SMAP1: variants seen among roughly 807,000 people sequenced by gnomAD.
SMAP1 encodes stromal membrane-associated protein 1.
A neutral mutation model predicts 58.5 loss-of-function variants in SMAP1; 24 were observed. That is an observed-to-expected ratio of 0.41 (90% CI 0.30 to 0.58). The LOEUF (loss-of-function observed/expected upper bound fraction) is 0.58. Among genes scored for constraint, SMAP1 ranks in the 20% least tolerant of loss-of-function variants. The pLI is 0.29. For missense variants in SMAP1, 563 were observed against 566.3 expected (o/e 0.99, Z 0.06); for synonymous variants, 216 against 196.6 (o/e 1.10, Z -0.82).
chr6:70,744,052 T>G lies in SMAP1; in HGVS notation c.253-10928T>G, dbSNP rs369315986. ...AATAAGGTCAGTAATACTAATAGTT[T>G]TTTTGGAAATGGCATATTTTAGAAT... is the stretch of plus-strand genomic sequence containing the variant. On this transcript the variant is annotated intron_variant, in intron 2 of 10. Coordinates refer to ENST00000370455, the MANE Select transcript of SMAP1 (RefSeq NM_001044305.3). Among the ~76,000 whole-genome samples the G allele has an allele frequency of 4.6e-5, 7 of 152,220 alleles. No homozygotes were observed. In the East Asian group the frequency reaches 1.2e-3, roughly 25 times the overall value.
At chr6:70,806,404 A>G (rs1426169912) in intron 6 of SMAP1, among the ~76,000 whole-genome samples, 3 of 152,162 alleles carry the variant, frequency 2.0e-5, no homozygotes, top group African/African-American at 7.2e-5. Context: ...TTTTCCAGGT[A>G]GTCTGTCACA....
At chr6:70,818,425 C>G (rs1769738311) in intron 6 of SMAP1, among the ~76,000 whole-genome samples, 1 of 151,912 alleles carries the variant, frequency 6.6e-6, no homozygotes. Flanking sequence ...AAGCCTATTT[C>G]TGGGGTTTTC....
At chr6:70,809,684 A>G (rs1562177372) in intron 6 of SMAP1, among the ~76,000 whole-genome samples, 2 of 152,224 alleles carry the variant, frequency 1.3e-5, no homozygotes, top group South Asian at 2.1e-4. Flanking sequence ...GATATTTTCA[A>G]TAAATAATAC....
intron 1 of SMAP1, among the ~76,000 whole-genome samples, chr6:70,706,507 T>A (rs1343308915): frequency 4.6e-5 from 7 of 152,312 alleles, no homozygotes; most frequent in Middle Eastern, 3.4e-3. Flanking sequence ...CTGGATGATC[T>A]GGTAAACCAT....
At chr6:70,857,801 C>T in intron 9 of SMAP1, 121 bp from the exon 10 acceptor site, 1 of 1,133,878 alleles carries the variant, frequency 8.8e-7, no homozygotes, top group Non-Finnish European at 1.2e-6. Flanking sequence ...TAGGAGCAGC[C>T]AAACTGGAAT....
intron 7 of SMAP1, among the ~76,000 whole-genome samples, chr6:70,850,962 T>C (rs1771161066): frequency 1.3e-5 from 2 of 152,206 alleles, no homozygotes; most frequent in African/African-American, 4.8e-5. Context: ...TGTATGAGTC[T>C]TAATTCTTTG....
chr6:70,821,339 T>A (rs1582256255), intron 6 of SMAP1, among the ~76,000 whole-genome samples: 1 of 149,324 alleles, frequency 6.7e-6, no homozygotes, highest in African/African-American at 2.5e-5. Context: ...TATGCCATAC[T>A]TTTTTTTTTA....
rs554993341 is a variant in SMAP1 at position 70,692,341 on chromosome 6, T to C, written c.118+24200T>C. ...ATTATATATTCTGGTTATTAATCCCTTGTCAGATGGAGAGTTTGTAAATAT... is the reference window on the plus strand; with the variant it reads ...ATTATATATTCTGGTTATTAATCCCCTGTCAGATGGAGAGTTTGTAAATAT... On this transcript the variant is annotated intron_variant, in intron 1 of 10. Coordinates refer to ENST00000370455, the MANE Select transcript of SMAP1 (RefSeq NM_001044305.3). Among the ~76,000 whole-genome samples the C allele has an allele frequency of 2.0e-5, 3 of 152,368 alleles. No individual in the cohort carries two copies. In the East Asian group the frequency reaches 5.8e-4, roughly 29 times the overall value.
At chr6:70,680,751 C>G (rs2128551535) in intron 1 of SMAP1, among the ~76,000 whole-genome samples, 1 of 114,550 alleles carries the variant, frequency 8.7e-6, no homozygotes, top group East Asian at 2.9e-4. Context: ...TGGAGTCTCA[C>G]TGTGTCTCCC....
At chr6:70,686,117 A>G (rs886632032) in intron 1 of SMAP1, among the ~76,000 whole-genome samples, 9 of 152,050 alleles carry the variant, frequency 5.9e-5, no homozygotes, top group Non-Finnish European at 8.8e-5. Flanking sequence ...CATTAAAACT[A>G]TTTTCTAAGC....
At chr6:70,846,240 T>G (rs1281464030) in intron 7 of SMAP1, among the ~76,000 whole-genome samples, 1 of 152,202 alleles carries the variant, frequency 6.6e-6, no homozygotes, top group Non-Finnish European at 1.5e-5. Flanking sequence ...CTACTATTTG[T>G]TTTCCGCCAT....
At chr6:70,860,076 G>A in intron 10 of SMAP1, 124 bp from the exon 11 acceptor site, 1 of 1,114,792 alleles carries the variant, frequency 9.0e-7, no homozygotes. Flanking sequence ...ATGGTACTCT[G>A]TTTTTATTCC....
At chr6:70,776,980 A>G (rs1022989773) in intron 4 of SMAP1, among the ~76,000 whole-genome samples, 6 of 152,104 alleles carry the variant, frequency 3.9e-5, no homozygotes, top group Non-Finnish European at 8.8e-5. Flanking sequence ...TTGATATGCT[A>G]ATTTCCTTTT....
chr6:70,802,300 G>C (rs1176471633), intron 6 of SMAP1, among the ~76,000 whole-genome samples: 1 of 152,100 alleles, frequency 6.6e-6, no homozygotes. Context: ...ATTCACTCAT[G>C]ATTTGGCTCT....
At chr6:70,829,237 T>A (rs1770262091) in intron 6 of SMAP1, among the ~76,000 whole-genome samples, 2 of 152,104 alleles carry the variant, frequency 1.3e-5, no homozygotes, top group Admixed American at 1.3e-4. Flanking sequence ...TGTGTTTATT[T>A]TTTTTTTCTG....
chr6:70,779,031 G>T (rs966488570), intron 4 of SMAP1, among the ~76,000 whole-genome samples: 1 of 152,246 alleles, frequency 6.6e-6, no homozygotes, highest in Non-Finnish European at 1.5e-5. Context: ...GGCAATGTAT[G>T]TGGATACACA....
rs568856395 is a variant in SMAP1, at chr6:70,689,249, T to G, written c.118+21108T>G. Reference sequence around the variant, plus strand: ...GTCTTGAACTCCCGACCTCAGGTGATCCACCCGCCTCAGCATCCCAAAGTG... The same window carrying G: ...GTCTTGAACTCCCGACCTCAGGTGAGCCACCCGCCTCAGCATCCCAAAGTG... On this transcript the variant is annotated intron_variant, in intron 1 of 10. Transcript: ENST00000370455. Among the ~76,000 whole-genome samples, 8 of 152,266 alleles carry G rather than the reference T, an allele frequency of 5.3e-5. No homozygotes were observed. In the South Asian group the frequency reaches 1.7e-3, roughly 32 times the overall value.
Position 70,852,473 on chromosome 6 carries a change from A to C in SMAP1, c.665-67A>C, listed in dbSNP as rs1771222978. 5 of 1,351,866 alleles carry C rather than the reference A, an allele frequency of 3.7e-6. No homozygotes were observed. In the East Asian group the frequency reaches 1.1e-4, roughly 30 times the overall value. The allele number at this position is 1,351,866 out of a possible 1,614,324, so 83.7% of individuals were successfully genotyped here. A position where few individuals can be genotyped will look rare whatever the true frequency, so the allele number is the denominator to read the frequency against. On this transcript the variant is annotated intron_variant, in intron 7 of 10. Coordinates refer to ENST00000370455, the MANE Select transcript of SMAP1 (RefSeq NM_001044305.3). ...TTTTTTAACCATATATCAATTTTTA[A>C]AATAATGCCATGTTTCAAGTAATTT...
chr6:70,710,556 G>A (rs1253308123), intron 1 of SMAP1, among the ~76,000 whole-genome samples: 1 of 151,162 alleles, frequency 6.6e-6, no homozygotes, highest in Non-Finnish European at 1.5e-5. Context: ...TACCATGATT[G>A]GAGCTTGCAG....
Sources: allele counts gnomAD v4.1 joint callset (sites outside exome capture counted in the v4.1 genomes callset), GRCh38; gene constraint gnomAD v4.1.1; transcripts MANE v1.5; gene names NCBI Gene and HGNC (gene_info 2026-07-23, HGNC 2026-07-21).